CNTN6: variants seen among roughly 807,000 people sequenced by gnomAD.
CNTN6 encodes the protein contactin-6.
In CNTN6, 137 loss-of-function variants were observed where a neutral mutation model predicts 122.8. The observed-to-expected ratio is 1.12, with a 90% CI of 0.97 to 1.29. The LOEUF (loss-of-function observed/expected upper bound fraction) is 1.29, where lower values mean the gene tolerates loss of function less well. Among genes scored for constraint, CNTN6 ranks in the 50% most tolerant of loss-of-function variants. CNTN6 has a pLI of 0.00. For missense variants in CNTN6, 1,634 were observed against 1,223.4 expected (o/e 1.34, Z -5.01); for synonymous variants, 570 against 426.0 (o/e 1.34, Z -4.16).
intron 1 of CNTN6, among the ~76,000 whole-genome samples, chr3:1,099,278 C>T (rs995695467): frequency 4.6e-5 from 7 of 151,860 alleles, no homozygotes; most frequent in African/African-American, 7.3e-5. Flanking sequence ...GGTGAAACCC[C>T]GTCTCTACCA....
chr3:1,206,339 A>G (rs915365260), intron 2 of CNTN6, among the ~76,000 whole-genome samples: 3 of 152,090 alleles, frequency 2.0e-5, no homozygotes, highest in Non-Finnish European at 4.4e-5. Context: ...TCCACCCCAC[A>G]TGCATCAGTG....
At chr3:1,098,643 A>G (rs2090665338) in intron 1 of CNTN6, among the ~76,000 whole-genome samples, 1 of 151,064 alleles carries the variant, frequency 6.6e-6, no homozygotes, top group South Asian at 2.1e-4. Context: ...TATAAACTCA[A>G]CATCATGTCT....
chr3:1,250,638 G>T (rs1332893892), intron 4 of CNTN6, among the ~76,000 whole-genome samples: 1 of 152,116 alleles, frequency 6.6e-6, no homozygotes. Flanking sequence ...TCTACATAGA[G>T]CTCTGAATGT....
At chr3:1,342,823 T>C (rs554465521) in intron 11 of CNTN6, among the ~76,000 whole-genome samples, 1 of 152,302 alleles carries the variant, frequency 6.6e-6, no homozygotes, top group East Asian at 1.9e-4. Context: ...ATTTGTTTTA[T>C]ACACCAAGTC....
chr3:1,142,468 G>A (rs1480539526), intron 1 of CNTN6, among the ~76,000 whole-genome samples: 1 of 152,108 alleles, frequency 6.6e-6, no homozygotes, highest in Admixed American at 6.6e-5. Context: ...TGGTATTCTT[G>A]TTGAGTACGT....
chr3:1,208,931 T>C (rs1053131921), intron 2 of CNTN6, among the ~76,000 whole-genome samples: 1 of 152,186 alleles, frequency 6.6e-6, no homozygotes, highest in Non-Finnish European at 1.5e-5. Context: ...AACACAGAGT[T>C]AGAGCTAATA....
At chr3:1,343,230 T>A (rs181366922) in intron 11 of CNTN6, among the ~76,000 whole-genome samples, 12 of 152,306 alleles carry the variant, frequency 7.9e-5, no homozygotes, top group Non-Finnish European at 1.5e-5. Context: ...ATGTTATCAG[T>A]AAGGCTGCTG....
chr3:1,169,355 G>T (rs558575523), intron 2 of CNTN6, among the ~76,000 whole-genome samples: 2 of 152,194 alleles, frequency 1.3e-5, no homozygotes, highest in Non-Finnish European at 2.9e-5. Flanking sequence ...CCTCCTTGTT[G>T]TATTCAACCG....
chr3:1,272,259 C>CA (rs2095038901), intron 4 of CNTN6, among the ~76,000 whole-genome samples: 1 of 152,140 alleles, frequency 6.6e-6, no homozygotes, highest in African/African-American at 2.4e-5. Context: ...GACTAATACT[C>CA]AAACTCTCTT....
At chr3:1,269,522 C>T (rs184324099) in intron 4 of CNTN6, among the ~76,000 whole-genome samples, 4 of 152,170 alleles carry the variant, frequency 2.6e-5, no homozygotes, top group Admixed American at 1.3e-4. Context: ...TAGTAAGAAG[C>T]GAGTTTGAGT....
chr3:1,277,346 C>CTTTTTTTTTTTTTTTTTTTTTTTTTTTT lies in CNTN6; in HGVS notation c.359-1063_359-1036dup, dbSNP rs10599744. Among the ~76,000 whole-genome samples, 5 of 80,192 alleles carry CTTTTTTTTTTTTTTTTTTTTTTTTTTTT rather than the reference C, an allele frequency of 6.2e-5. 1 individual carries two copies. The East Asian group carries it at 1.1e-3, about 18-fold the overall frequency. The allele number at this position is 80,192 out of a possible 152,430, so 52.6% of individuals were successfully genotyped here. On this transcript the variant is annotated intron_variant, in intron 4 of 22. Coordinates refer to ENST00000446702, the MANE Select transcript of CNTN6 (RefSeq NM_001289080.2). Reference sequence around the variant, plus strand: ...CTACTTCTGTCTTTTAGTAGGTTTTCTTTTTTTTTTTTTTTTTTTTTTTTT... The same window carrying CTTTTTTTTTTTTTTTTTTTTTTTTTTTT: ...CTACTTCTGTCTTTTAGTAGGTTTTCTTTTTTTTTTTTTTTTTTTTTTTTTTTTTTTTTTTTTTTTTTTTTTTTTTTTT...
At chr3:1,264,417 A>G (rs1264705660) in intron 4 of CNTN6, among the ~76,000 whole-genome samples, 4 of 152,182 alleles carry the variant, frequency 2.6e-5, no homozygotes, top group Admixed American at 2.6e-4. Flanking sequence ...TTATTGAATC[A>G]GCCAACATGT....
intron 4 of CNTN6, among the ~76,000 whole-genome samples, chr3:1,251,195 G>C (rs147846859): frequency 6.6e-6 from 1 of 151,762 alleles, no homozygotes; most frequent in Non-Finnish European, 1.5e-5. Flanking sequence ...CTTGTTTATC[G>C]ACCCATCTTA....
In CNTN6 at chr3:1,172,620, CTGTG is replaced by C. The variant is rs3836248; in HGVS notation, c.55+24593_55+24596del. Among the ~76,000 whole-genome samples the C allele has an allele frequency of 6.6e-3, 991 of 150,232 alleles. 8 individuals carry two copies. Among genetic ancestry groups the C allele is most frequent in the Middle Eastern group, 0.014 (4 of 288 alleles). On this transcript the variant is annotated intron_variant, in intron 2 of 22. Coordinates refer to ENST00000446702, the MANE Select transcript of CNTN6 (RefSeq NM_001289080.2). ...AGTGAAGACAGTCTGCAATAACTCT[CTGTG>C]TGTGTGTGTGTGTGTGTGTGTGTGT...
intron 7 of CNTN6, among the ~76,000 whole-genome samples, chr3:1,312,197 G>A (rs1332752904): frequency 6.6e-6 from 1 of 151,730 alleles, no homozygotes; most frequent in African/African-American, 2.4e-5. Context: ...CGAATCTAAT[G>A]TCAAACATTC....
intron 7 of CNTN6, among the ~76,000 whole-genome samples, chr3:1,303,370 A>G (rs1697765409): frequency 6.6e-6 from 1 of 152,176 alleles, no homozygotes; most frequent in Non-Finnish European, 1.5e-5. Flanking sequence ...ATCAGATTAA[A>G]GGAACTTCAA....
chr3:1,363,912 A>G (rs1354852050), intron 12 of CNTN6, among the ~76,000 whole-genome samples: 1 of 151,928 alleles, frequency 6.6e-6, no homozygotes, highest in Non-Finnish European at 1.5e-5. Flanking sequence ...CACACCCTAG[A>G]TAACAGTCAT....
intron 12 of CNTN6, among the ~76,000 whole-genome samples, chr3:1,361,469 G>C (rs1707456364): frequency 1.3e-5 from 2 of 152,012 alleles, no homozygotes; most frequent in Admixed American, 1.3e-4. Flanking sequence ...TAATTAAATG[G>C]TTTTCAATAG....
At chr3:1,115,880 G>T (rs2125039721) in intron 1 of CNTN6, among the ~76,000 whole-genome samples, 1 of 152,178 alleles carries the variant, frequency 6.6e-6, no homozygotes, top group South Asian at 2.1e-4. Context: ...CTTATTACAA[G>T]AATTGTAAGA....
Sources: gnomAD v4.1 joint callset for allele counts (sites outside exome capture counted in the v4.1 genomes callset) on GRCh38, gnomAD v4.1.1 for gene constraint, MANE v1.5 for transcripts, NCBI Gene and HGNC (gene_info 2026-07-23, HGNC 2026-07-21) for gene names.